THRB: variants seen among roughly 807,000 people sequenced by gnomAD.
THRB encodes nuclear receptor subfamily 1 group A member 2.
In THRB, 12 loss-of-function variants were observed where a neutral mutation model predicts 47.8. That is an observed-to-expected ratio of 0.25 (90% CI 0.16 to 0.41). The LOEUF is 0.41. THRB is among the 10% of genes least tolerant of loss of function. The pLI is 1.00. For missense variants in THRB, 348 were observed against 589.2 expected, an observed-to-expected ratio of 0.59 and a Z score of 4.24; for synonymous variants, 218 against 212.2, an observed-to-expected ratio of 1.03 and a Z score of -0.24.
At chr3:24,221,187 G>A (rs542459808) in intron 4 of THRB, among the ~76,000 whole-genome samples, 21 of 152,290 alleles carry the variant, frequency 1.4e-4, no homozygotes, top group Admixed American at 9.2e-4. Context: ...TGGTGGTGCC[G>A]TATAAAAATA....
At chr3:24,480,878 G>A (rs1018739581) in intron 1 of THRB, among the ~76,000 whole-genome samples, 3 of 152,174 alleles carry the variant, frequency 2.0e-5, no homozygotes, top group African/African-American at 7.2e-5. Context: ...TGCCACAGGA[G>A]CTCTGTGTCC....
intron 2 of THRB, among the ~76,000 whole-genome samples, chr3:24,322,458 C>T (rs1370512301): frequency 6.6e-6 from 1 of 152,132 alleles, no homozygotes; most frequent in Non-Finnish European, 1.5e-5. Context: ...TTGCTTTGGG[C>T]CAGGCCCACC....
rs2031008388 is a variant in THRB at position 24,118,283 on chromosome 3, T to C, written c.*4601A>G. The C allele has an allele frequency of 6.6e-6, 1 of 152,664 alleles. No homozygotes were observed. Among genetic ancestry groups the C allele is most frequent in the African/African-American group, 2.4e-5 (1 of 41,464 alleles). 9.5% of individuals were successfully genotyped at this position (152,664 alleles called of 1,614,324 possible). A position where few individuals can be genotyped will look rare whatever the true frequency, so the allele number is the denominator to read the frequency against. On this transcript the variant is annotated 3_prime_UTR_variant, in exon 11 of 11. Coordinates refer to ENST00000646209, the MANE Select transcript of THRB (RefSeq NM_001354712.2). ...TATCTACGCCCACTATATTCATAAT[T>C]ACAGTTTTATATCTGCATACAAAAG...
chr3:24,290,127 G>A (rs192544112), intron 3 of THRB, among the ~76,000 whole-genome samples: 6 of 152,258 alleles, frequency 3.9e-5, no homozygotes, highest in African/African-American at 1.4e-4. Context: ...GTTTTCCATA[G>A]TGTCTGAGCT....
chr3:24,422,922 A>G (rs140048151), intron 1 of THRB, among the ~76,000 whole-genome samples: 1 of 152,006 alleles, frequency 6.6e-6, no homozygotes, highest in Non-Finnish European at 1.5e-5. Context: ...ATGTGGAGGA[A>G]GTGATGTTCT....
intron 5 of THRB, among the ~76,000 whole-genome samples, chr3:24,153,415 A>G (rs116551073): frequency 0.025 from 3,841 of 152,322 alleles, 98 homozygotes; most frequent in African/African-American, 0.06. Flanking sequence ...CCACCTAAAA[A>G]AGTTAGGTAA....
At chr3:24,375,376 TATAATATTAATATATTATAGTTAGAC>T (rs2065200804) in intron 1 of THRB, among the ~76,000 whole-genome samples, 1 of 141,570 alleles carries the variant, frequency 7.1e-6, no homozygotes, top group Non-Finnish European at 1.5e-5. Context: ...TATTTAGACA[TATAATATTAATATATTATAGTTAGAC>T]ATATAATATT....
intron 1 of THRB, among the ~76,000 whole-genome samples, chr3:24,402,314 G>A (rs1055378817): frequency 6.6e-6 from 1 of 151,968 alleles, no homozygotes; most frequent in African/African-American, 2.4e-5. Context: ...AATATGTGAG[G>A]TTTATGCATT....
At chr3:24,284,940 T>C (rs1250737931) in intron 3 of THRB, among the ~76,000 whole-genome samples, 5 of 152,132 alleles carry the variant, frequency 3.3e-5, no homozygotes, top group African/African-American at 1.2e-4. Context: ...CAACAGGTGC[T>C]GGAGAGGATG....
intron 2 of THRB, among the ~76,000 whole-genome samples, chr3:24,334,836 C>G (rs1402824330): frequency 6.6e-6 from 1 of 152,194 alleles, no homozygotes; most frequent in African/African-American, 2.4e-5. Context: ...TGGACCATGT[C>G]TTTCTGTACA....
intron 4 of THRB, 127 bp downstream of exon 4, chr3:24,228,811 A>G (rs2047956961): frequency 6.9e-6 from 6 of 864,758 alleles, no homozygotes; most frequent in South Asian, 6.0e-5. Context: ...ACAGGATTTA[A>G]TAACACTTAT....
intron 2 of THRB, among the ~76,000 whole-genome samples, chr3:24,329,555 C>T (rs1220376904): frequency 6.6e-6 from 1 of 152,328 alleles, no homozygotes; most frequent in East Asian, 1.9e-4. Flanking sequence ...CTTTTGACTG[C>T]CACATCTGGC....
At chr3:24,349,280 A>C (rs2063215140) in intron 1 of THRB, among the ~76,000 whole-genome samples, 1 of 152,116 alleles carries the variant, frequency 6.6e-6, no homozygotes. Flanking sequence ...AAATTAGTAT[A>C]TAGATTCAAT....
chr3:24,495,615 C>T (rs1174721004), upstream of THRB: 2 of 152,284 alleles, frequency 1.3e-5, no homozygotes, highest in Non-Finnish European at 2.9e-5. Context: ...GGCGTCATTA[C>T]TCTAGTTGGA....
chr3:24,228,809 T>C, intron 4 of THRB, 129 bp downstream of exon 4: 1 of 853,250 alleles, frequency 1.2e-6, no homozygotes, highest in Non-Finnish European at 1.9e-6. Context: ...TCACAGGATT[T>C]AATAACACTT....
At chr3:24,294,711 C>T (rs540970764) in intron 3 of THRB, among the ~76,000 whole-genome samples, 2 of 152,266 alleles carry the variant, frequency 1.3e-5, no homozygotes, top group South Asian at 4.2e-4. Context: ...ACCTGTCATG[C>T]CACCCAATTA....
At chr3:24,369,095 G>T (rs929840829) in intron 1 of THRB, among the ~76,000 whole-genome samples, 2 of 151,956 alleles carry the variant, frequency 1.3e-5, no homozygotes, top group African/African-American at 4.8e-5. Flanking sequence ...TCAAACTCCT[G>T]GCCTCAAGCA....
At chr3:24,368,447 T>C (rs1321502705) in intron 1 of THRB, among the ~76,000 whole-genome samples, 1 of 152,078 alleles carries the variant, frequency 6.6e-6, no homozygotes, top group African/African-American at 2.4e-5. Context: ...TAATAAGACA[T>C]AAGGCACTAG....
intron 5 of THRB, among the ~76,000 whole-genome samples, chr3:24,172,245 C>A (rs2040531476): frequency 6.6e-6 from 1 of 152,094 alleles, no homozygotes; most frequent in South Asian, 2.1e-4. Flanking sequence ...TCAGATTACA[C>A]ACCAAGAACA....
Sources: gnomAD v4.1 joint callset for allele counts (sites outside exome capture counted in the v4.1 genomes callset) on GRCh38, gnomAD v4.1.1 for gene constraint, MANE v1.5 for transcripts, NCBI Gene and HGNC (gene_info 2026-07-23, HGNC 2026-07-21) for gene names.